PPP2R5E: variants seen among roughly 807,000 people sequenced by gnomAD.
PPP2R5E encodes the protein protein phosphatase 2 regulatory subunit B'epsilon.
PPP2R5E carries 4 observed loss-of-function variants against 65.3 expected under a neutral mutation model. The observed-to-expected ratio is 0.06, with a 90% CI of 0.03 to 0.14. The LOEUF (loss-of-function observed/expected upper bound fraction) is 0.14, where lower values mean the gene tolerates loss of function less well. PPP2R5E is among the 10% of genes least tolerant of loss of function. PPP2R5E has a pLI of 1.00. For missense variants in PPP2R5E, 274 were observed against 556.1 expected, an observed-to-expected ratio of 0.49 and a Z score of 5.10; for synonymous variants, 183 against 187.4, an observed-to-expected ratio of 0.98 and a Z score of 0.19.
chr14:63,442,253 GTCT>G (rs1214695352), intron 3 of PPP2R5E, among the ~76,000 whole-genome samples: 7 of 151,932 alleles, frequency 4.6e-5, no homozygotes, highest in Admixed American at 4.6e-4. Context: ...TAATTCTCAG[GTCT>G]TCTTTTACGC....
chr14:63,500,908 A>G (rs1174272090), intron 2 of PPP2R5E, among the ~76,000 whole-genome samples: 2 of 152,134 alleles, frequency 1.3e-5, no homozygotes, highest in Non-Finnish European at 2.9e-5. Context: ...ATCCTAGCGT[A>G]ACAGCAGCTA....
intron 2 of PPP2R5E, among the ~76,000 whole-genome samples, chr14:63,509,897 G>C (rs192491135): frequency 9.2e-5 from 14 of 152,224 alleles, no homozygotes; most frequent in Admixed American, 9.2e-4. Flanking sequence ...AATAAGGTTT[G>C]GGAGCTTGCA....
At chr14:63,380,808 G>T (rs1884312437) in intron 13 of PPP2R5E, among the ~76,000 whole-genome samples, 1 of 152,116 alleles carries the variant, frequency 6.6e-6, no homozygotes, top group Non-Finnish European at 1.5e-5. Flanking sequence ...TAATTAAGTT[G>T]GTTTTCATAA....
At chr14:63,492,608 C>G (rs576508759) in intron 2 of PPP2R5E, among the ~76,000 whole-genome samples, 33 of 152,258 alleles carry the variant, frequency 2.2e-4, no homozygotes, top group African/African-American at 7.7e-4. Context: ...TGGAAATGCA[C>G]TCAGGACAGT....
At chr14:63,465,466 A>AAACT (rs1889742152) in intron 2 of PPP2R5E, among the ~76,000 whole-genome samples, 1 of 144,728 alleles carries the variant, frequency 6.9e-6, no homozygotes, top group African/African-American at 2.6e-5. Flanking sequence ...AAAAAAAAAA[A>AAACT]AAAAAAACAA....
intron 2 of PPP2R5E, among the ~76,000 whole-genome samples, chr14:63,515,174 G>A (rs1448206722): frequency 6.6e-6 from 1 of 152,126 alleles, no homozygotes; most frequent in Non-Finnish European, 1.5e-5. Context: ...TGTCAAAAAT[G>A]TTAACAGATG....
intron 3 of PPP2R5E, among the ~76,000 whole-genome samples, chr14:63,440,783 C>CAA (rs763718989): frequency 2.9e-4 from 32 of 108,820 alleles, no homozygotes; most frequent in African/African-American, 1.0e-3. Context: ...CTAAAAAATA[C>CAA]AAAAAAAAAA....
chr14:63,439,940 C>T (rs984727827), intron 3 of PPP2R5E, among the ~76,000 whole-genome samples: 3 of 152,214 alleles, frequency 2.0e-5, no homozygotes, highest in Admixed American at 6.5e-5. Flanking sequence ...CAGTGCCCTT[C>T]TCACTCTGAA....
chr14:63,434,821 T>C (rs1227312769), intron 3 of PPP2R5E, among the ~76,000 whole-genome samples: 1 of 152,208 alleles, frequency 6.6e-6, no homozygotes, highest in Non-Finnish European at 1.5e-5. Flanking sequence ...CTATATACAA[T>C]TTGTCAACAA....
intron 7 of PPP2R5E, 137 bp from the exon 8 acceptor site, chr14:63,394,065 A>C: frequency 3.1e-6 from 1 of 323,580 alleles, no homozygotes; most frequent in Non-Finnish European, 5.6e-6. Context: ...GGCATTCAGA[A>C]TTTCCTTTTT....
chr14:63,514,509 AAGAG>A (rs1012714314), intron 2 of PPP2R5E, among the ~76,000 whole-genome samples: 13 of 152,170 alleles, frequency 8.5e-5, no homozygotes, highest in South Asian at 2.1e-4. Context: ...TTAAAAAAAA[AAGAG>A]AGAGAGAGAC....
At chr14:63,482,189 G>A (rs1890736751) in intron 2 of PPP2R5E, among the ~76,000 whole-genome samples, 1 of 152,220 alleles carries the variant, frequency 6.6e-6, no homozygotes, top group South Asian at 2.1e-4. Flanking sequence ...TGGAGGCCGA[G>A]CACAGTGACT....
At chr14:63,483,565 A>T (rs1594926550) in intron 2 of PPP2R5E, among the ~76,000 whole-genome samples, 1 of 152,220 alleles carries the variant, frequency 6.6e-6, no homozygotes, top group East Asian at 1.9e-4. Context: ...AACTGGGAGG[A>T]GGAAAGAGGG....
At chr14:63,444,954 T>C (rs926289946) in intron 3 of PPP2R5E, among the ~76,000 whole-genome samples, 1 of 152,256 alleles carries the variant, frequency 6.6e-6, no homozygotes, top group African/African-American at 2.4e-5. Flanking sequence ...CAATGGCCTG[T>C]AAACTTTAAG....
rs74456864 is a variant in PPP2R5E, at chr14:63,517,828, C to T, written c.157+21701G>A. Among the ~76,000 whole-genome samples, 174 of 152,316 alleles carry T rather than the reference C, an allele frequency of 1.1e-3. 2 individuals carry two copies. The highest frequency in any genetic ancestry group is 4.0e-3 in the African/African-American group (167 of 41,572). On this transcript the variant is annotated intron_variant, in intron 2 of 13. Coordinates refer to ENST00000337537, the MANE Select transcript of PPP2R5E (RefSeq NM_006246.5). ...CACCGATGTTAATTGCTTCACCTAA[C>T]TGCGGTTTTACTGTTGCTTGCATTC...
chr14:63,423,867 C>T (rs1292853751), intron 3 of PPP2R5E, among the ~76,000 whole-genome samples: 1 of 152,158 alleles, frequency 6.6e-6, no homozygotes, highest in Non-Finnish European at 1.5e-5. Flanking sequence ...CACAATTATC[C>T]CCATTTCCTA....
intron 11 of PPP2R5E, among the ~76,000 whole-genome samples, chr14:63,387,668 CT>C (rs771977149): frequency 2.0e-4 from 31 of 152,066 alleles, no homozygotes; most frequent in Non-Finnish European, 3.8e-4. Context: ...ATTTAAAATC[CT>C]TTTTTCTTTC....
chr14:63,474,987 T>C (rs1890336290), intron 2 of PPP2R5E, among the ~76,000 whole-genome samples: 1 of 152,126 alleles, frequency 6.6e-6, no homozygotes, highest in Admixed American at 6.5e-5. Flanking sequence ...AAGAAGAGTA[T>C]GTTTCTACAA....
At chr14:63,376,528 G>A (rs1883994252) in intron 13 of PPP2R5E, among the ~76,000 whole-genome samples, 1 of 152,104 alleles carries the variant, frequency 6.6e-6, no homozygotes, top group African/African-American at 2.4e-5. Flanking sequence ...AAAGAACTTG[G>A]TTGATATTAT....
Sources: allele counts gnomAD v4.1 joint callset (sites outside exome capture counted in the v4.1 genomes callset), GRCh38; gene constraint gnomAD v4.1.1; transcripts MANE v1.5; gene names NCBI Gene and HGNC (gene_info 2026-07-23, HGNC 2026-07-21).